CXCL13: variants seen among roughly 807,000 people sequenced by gnomAD.
CXCL13 encodes the protein C-X-C motif chemokine ligand 13.
CXCL13 carries 7 observed loss-of-function variants against 12.2 expected under a neutral mutation model. The ratio of observed to expected loss-of-function variants is 0.57; its 90% CI spans 0.33 to 1.07. The LOEUF (loss-of-function observed/expected upper bound fraction) is 1.07. CXCL13 is among the 50% of genes least tolerant of loss of function. The pLI is 0.04. For missense variants in CXCL13, 113 were observed against 127.4 expected (o/e 0.89, Z 0.55); for synonymous variants, 47 against 42.4 (o/e 1.11, Z -0.42).
At chr4:77,529,651 C>T (rs1234097195) in intron 1 of CXCL13, among the ~76,000 whole-genome samples, 1 of 152,174 alleles carries the variant, frequency 6.6e-6, no homozygotes, top group Non-Finnish European at 1.5e-5. Flanking sequence ...GCTGAAGTTG[C>T]CTATCGGCTT....
At chr4:77,575,184 A>T (rs1726173402) in intron 1 of CXCL13, among the ~76,000 whole-genome samples, 1 of 151,986 alleles carries the variant, frequency 6.6e-6, no homozygotes, top group African/African-American at 2.4e-5. Flanking sequence ...GTAAAGGGTT[A>T]TAAAATGTTT....
chr4:77,517,866 A>G, intron 1 of CXCL13, among the ~76,000 whole-genome samples: 1 of 152,146 alleles, frequency 6.6e-6, no homozygotes, highest in East Asian at 1.9e-4. Flanking sequence ...TCAGCTGGTT[A>G]TTTTGCTCGT....
chr4:77,582,817 G>C (rs1452001799), intron 1 of CXCL13, among the ~76,000 whole-genome samples: 1 of 152,226 alleles, frequency 6.6e-6, no homozygotes, highest in Non-Finnish European at 1.5e-5. Flanking sequence ...TATTGACAGA[G>C]GGTAGGTAAG....
chr4:77,519,611 T>G (rs1253519064), intron 1 of CXCL13, among the ~76,000 whole-genome samples: 1 of 152,230 alleles, frequency 6.6e-6, no homozygotes, highest in African/African-American at 2.4e-5. Context: ...ATTCTGGATA[T>G]TAGCCCTTTG....
At chr4:77,517,940 T>C (rs925281683) in intron 1 of CXCL13, among the ~76,000 whole-genome samples, 4 of 152,354 alleles carry the variant, frequency 2.6e-5, no homozygotes, top group Admixed American at 1.3e-4. Flanking sequence ...TTGCAGCGGC[T>C]GGTACCGGTT....
At chr4:77,603,541 C>T (rs566809862), upstream of CXCL13, among the ~76,000 whole-genome samples, 1 of 151,994 alleles carries the variant, frequency 6.6e-6, no homozygotes, top group Admixed American at 6.6e-5. Context: ...TTATGAGGAA[C>T]AATGGAAAAG....
At chr4:77,599,727 A>T (rs115166327) in intron 1 of CXCL13, among the ~76,000 whole-genome samples, 2,132 of 152,330 alleles carry the variant, frequency 0.014, 46 homozygotes, top group African/African-American at 0.047. Flanking sequence ...CACAGGGGAT[A>T]GTGGGAAGCC....
At chr4:77,578,612 A>G (rs572157177) in intron 1 of CXCL13, among the ~76,000 whole-genome samples, 1 of 152,238 alleles carries the variant, frequency 6.6e-6, no homozygotes, top group Admixed American at 6.5e-5. Context: ...GCCTGGAATC[A>G]ATCTGTGAGG....
rs376643933 is a variant in CXCL13, at chr4:77,571,022, C to T, written c.-42-34802C>T. On this transcript the variant is annotated intron_variant, in intron 1 of 4. Transcript: ENST00000286758. ...CCTGCTCCACGGTGCCCAGTCCCAT[C>T]GGCCACCCAAGGCCTGAGGAGTGTG... 3.9e-5 allele frequency among the ~76,000 whole-genome samples: 6 copies of T among 152,148 alleles called. No individual in the cohort carries two copies. The East Asian group carries it at 7.7e-4, about 20-fold the overall frequency.
intron 1 of CXCL13, among the ~76,000 whole-genome samples, chr4:77,522,319 A>G (rs1724622506): frequency 6.6e-6 from 1 of 151,948 alleles, no homozygotes; most frequent in Admixed American, 6.6e-5. Flanking sequence ...GTGGGAGTCT[A>G]AGTCTCTTTG....
At chr4:77,550,074 G>C (rs1338317075) in intron 1 of CXCL13, among the ~76,000 whole-genome samples, 2 of 152,210 alleles carry the variant, frequency 1.3e-5, no homozygotes, top group African/African-American at 2.4e-5. Flanking sequence ...CAGCCTTGCT[G>C]CTGCCTCACA....
intron 1 of CXCL13, among the ~76,000 whole-genome samples, chr4:77,564,402 A>G (rs1725877980): frequency 6.6e-6 from 1 of 152,250 alleles, no homozygotes; most frequent in Non-Finnish European, 1.5e-5. Flanking sequence ...GCCAGCAGGG[A>G]AAGTTCAAGT....
intron 1 of CXCL13, among the ~76,000 whole-genome samples, chr4:77,570,815 G>T (rs984618964): frequency 1.0e-4 from 15 of 149,950 alleles, no homozygotes; most frequent in Non-Finnish European, 1.9e-4. Flanking sequence ...CGGGCCAGCA[G>T]CTGCAGAGGG....
chr4:77,525,228 G>A (rs1724732643), intron 1 of CXCL13, among the ~76,000 whole-genome samples: 1 of 152,172 alleles, frequency 6.6e-6, no homozygotes, highest in Admixed American at 6.6e-5. Context: ...AAATTACTCA[G>A]TCTCTCTGTC....
chr4:77,526,372 T>C (rs961973), intron 1 of CXCL13, among the ~76,000 whole-genome samples: 7,996 of 152,132 alleles, frequency 0.053, 652 homozygotes, highest in African/African-American at 0.18. Flanking sequence ...GAATGCCAAC[T>C]CATTATATAA....
intron 1 of CXCL13, among the ~76,000 whole-genome samples, chr4:77,576,667 C>T (rs527258826): frequency 1.3e-4 from 20 of 150,358 alleles, no homozygotes; most frequent in Non-Finnish European, 2.5e-4. Flanking sequence ...TATTTGATGG[C>T]AAAAACCCAT....
intron 1 of CXCL13, among the ~76,000 whole-genome samples, chr4:77,544,585 A>G (rs1441547281): frequency 6.6e-6 from 1 of 151,944 alleles, no homozygotes; most frequent in Non-Finnish European, 1.5e-5. Flanking sequence ...CCACTTTTTG[A>G]TGGGGTTGTT....
At chr4:77,566,387 A>G (rs1028611866) in intron 1 of CXCL13, among the ~76,000 whole-genome samples, 1 of 152,208 alleles carries the variant, frequency 6.6e-6, no homozygotes, top group Non-Finnish European at 1.5e-5. Context: ...AATTGGCAAC[A>G]TTCCTTCAGA....
At chr4:77,594,216 G>A (rs147640112) in intron 1 of CXCL13, among the ~76,000 whole-genome samples, 95 of 152,262 alleles carry the variant, frequency 6.2e-4, no homozygotes, top group Admixed American at 2.5e-3. Context: ...AGTCAGTCAT[G>A]CAGAGGACGA....
Sources: allele counts gnomAD v4.1 joint callset (sites outside exome capture counted in the v4.1 genomes callset), GRCh38; gene constraint gnomAD v4.1.1; transcripts MANE v1.5; gene names NCBI Gene and HGNC (gene_info 2026-07-23, HGNC 2026-07-21).